MEI1: variants seen among roughly 807,000 people sequenced by gnomAD.
MEI1 encodes the protein meiotic double-stranded break formation protein 1.
In MEI1, 103 loss-of-function variants were observed where a neutral mutation model predicts 146.2. The observed-to-expected ratio is 0.70, with a 90% CI of 0.60 to 0.83. MEI1 has a LOEUF of 0.83. Ranked by LOEUF, MEI1 falls within the 40% of genes least tolerant of loss-of-function variation. The probability of loss-of-function intolerance (pLI) is 0.00; values close to 1 mark genes in which losing one functional copy is unlikely to be tolerated. For missense variants in MEI1, 1,529 were observed against 1,533.0 expected, an observed-to-expected ratio of 1.00 and a Z score of 0.04; for synonymous variants, 652 against 628.2, an observed-to-expected ratio of 1.04 and a Z score of -0.57.
At chr22:41,768,390 CAAAAA>C (rs11323279) in intron 19 of MEI1, among the ~76,000 whole-genome samples, 1 of 125,678 alleles carries the variant, frequency 8.0e-6, no homozygotes, top group Admixed American at 8.2e-5. Context: ...CCCTGTCTCC[CAAAAA>C]AAAAAAAAAA....
At position 41,770,900 on chromosome 22, in the gene MEI1, C is replaced by T. The variant is rs2075140172; in HGVS notation, c.2483C>T (p.Ala828Val). 6.2e-7 allele frequency: 1 copy of T among 1,614,040 alleles called. No individual in the cohort carries two copies. The highest frequency in any genetic ancestry group is 1.1e-5 in the South Asian group (1 of 91,082). ...VTSAGQPALP[A>V]SLVVLFQLLR... ...TCTGCTGGGCAGCCCGCCCTTCCTG[C>T]CAGCTTAGTAGTCCTGTTCCAGTTG... The change falls in exon 20 of 31, where the codon GCC becomes GTC. Residue 828 changes from alanine (A) to valine (V), a missense_variant. Around this residue, in one of 3 missense-constraint regions of MEI1, gnomAD observed 1,212 missense variants for 1,178.9 expected, o/e 1.03. Coordinates refer to ENST00000401548, the MANE Select transcript of MEI1 (RefSeq NM_152513.4).
intron 17 of MEI1, 139 bp from the exon 18 acceptor site, chr22:41,758,226 C>T (rs1035470984): frequency 2.2e-5 from 15 of 689,788 alleles, no homozygotes; most frequent in Admixed American, 3.4e-5. Flanking sequence ...AGAGGAGCCT[C>T]TGATTTCCTT....
At chr22:41,767,432 T>C (rs1391150619) in intron 19 of MEI1, 1 of 336,068 alleles carries the variant, frequency 3.0e-6, no homozygotes, top group Non-Finnish European at 6.4e-6. Context: ...TGAGCCTTTG[T>C]GGAAGCAGTG....
intron 2 of MEI1, 84 bp from the exon 3 acceptor site, chr22:41,705,420 C>A: frequency 1.7e-6 from 2 of 1,161,658 alleles, no homozygotes; most frequent in Admixed American, 3.4e-5. Flanking sequence ...AATCTGCCAC[C>A]TCGGCCTCCC....
intron 7 of MEI1, among the ~76,000 whole-genome samples, chr22:41,728,133 T>C (rs565780233): frequency 6.6e-6 from 1 of 152,286 alleles, no homozygotes; most frequent in East Asian, 1.9e-4. Context: ...AATACTGCAT[T>C]TTCCATCAGC....
intron 30 of MEI1, among the ~76,000 whole-genome samples, chr22:41,797,418 C>T (rs1363736738): frequency 6.6e-6 from 1 of 152,102 alleles, no homozygotes; most frequent in African/African-American, 2.4e-5. Context: ...TCAAGACCAG[C>T]CTGGCCAACA....
intron 11 of MEI1, 72 bp downstream of exon 11, chr22:41,732,675 G>T (rs2071966869): frequency 1.3e-6 from 2 of 1,491,632 alleles, no homozygotes; most frequent in Admixed American, 2.1e-5. Flanking sequence ...CAGGGTAGCG[G>T]ATATTTAAGT....
intron 3 of MEI1, among the ~76,000 whole-genome samples, chr22:41,710,725 A>G (rs2069476512): frequency 6.6e-6 from 1 of 152,220 alleles, no homozygotes; most frequent in African/African-American, 2.4e-5. Context: ...ATGATATTGA[A>G]TAAGCCATTC....
At chr22:41,719,641 G>A (rs185911185) in intron 6 of MEI1, among the ~76,000 whole-genome samples, 233 of 152,270 alleles carry the variant, frequency 1.5e-3, no homozygotes, top group Non-Finnish European at 3.1e-3. Context: ...GCTGCATTGG[G>A]GATTCAGTTT....
chr22:41,775,594 C>CTT (rs532068296), intron 20 of MEI1, among the ~76,000 whole-genome samples: 12 of 134,682 alleles, frequency 8.9e-5, no homozygotes, highest in South Asian at 2.4e-4. Flanking sequence ...TGGACCTATT[C>CTT]TTTTTTTTTT....
chr22:41,724,322 A>G (rs2071123044), intron 7 of MEI1, among the ~76,000 whole-genome samples: 1 of 152,156 alleles, frequency 6.6e-6, no homozygotes, highest in Non-Finnish European at 1.5e-5. Context: ...CCCTGTCTCT[A>G]TAAAAAATAC....
intron 15 of MEI1, among the ~76,000 whole-genome samples, chr22:41,748,512 C>T (rs1259460552): frequency 1.3e-5 from 2 of 151,210 alleles, no homozygotes; most frequent in African/African-American, 4.9e-5. Flanking sequence ...AGTGAGACCC[C>T]ATCTCTAAAA....
Position 41,699,720 on chromosome 22 carries a change from C to T in MEI1, c.174+8C>T, listed in dbSNP as rs1341113643. On this transcript the variant is annotated splice_region_variant and intron_variant, in intron 1 of 30. Coordinates refer to ENST00000401548, the MANE Select transcript of MEI1 (RefSeq NM_152513.4). ...CCGGACCCCGGCGTGTCGGTGCGGG[C>T]GGAACCTTTTCTTCAGAAGACCTGG... 1.9e-6 allele frequency: 3 copies of T among 1,552,278 alleles called. No individual in the cohort carries two copies. The highest frequency in any genetic ancestry group is 2.6e-6 in the Non-Finnish European group (3 of 1,150,414).
chr22:41,727,740 G>A (rs146917475), intron 7 of MEI1, among the ~76,000 whole-genome samples: 183 of 152,256 alleles, frequency 1.2e-3, no homozygotes, highest in South Asian at 2.3e-3. Context: ...TGCATGGGGC[G>A]AAGTCTGGTG....
chr22:41,777,272 C>T (rs1167078697), intron 21 of MEI1, among the ~76,000 whole-genome samples: 2 of 151,702 alleles, frequency 1.3e-5, no homozygotes, highest in Non-Finnish European at 2.9e-5. Flanking sequence ...TCTTCTGCCT[C>T]AGCCTCCATA....
At chr22:41,750,965 A>G (rs2073706343) in intron 15 of MEI1, among the ~76,000 whole-genome samples, 1 of 151,920 alleles carries the variant, frequency 6.6e-6, no homozygotes, top group Admixed American at 6.6e-5. Context: ...GCAAGTGTAG[A>G]TCTCTTGGGG....
intron 19 of MEI1, among the ~76,000 whole-genome samples, chr22:41,770,058 CG>C: frequency 6.6e-6 from 1 of 151,664 alleles, no homozygotes; most frequent in Non-Finnish European, 1.5e-5. Context: ...CACTTGAACC[CG>C]GGAGGCAGAG....
At chr22:41,793,721 G>C (rs2076272065) in intron 26 of MEI1, 108 bp from the exon 27 acceptor site, 1 of 968,102 alleles carries the variant, frequency 1.0e-6, no homozygotes. Context: ...TCCCAAATCT[G>C]AAATTCTGAA....
chr22:41,715,638 G>A (rs911129241), intron 4 of MEI1, among the ~76,000 whole-genome samples: 14 of 151,876 alleles, frequency 9.2e-5, no homozygotes, highest in African/African-American at 3.1e-4. Flanking sequence ...CTCGTGATCC[G>A]CCCGCCTCGG....
Sources: gnomAD v4.1 joint callset for allele counts (sites outside exome capture counted in the v4.1 genomes callset) on GRCh38, gnomAD v4.1.1 for gene constraint, gnomAD v4.1.1 regional missense constraint, MANE v1.5 for transcripts, NCBI Gene and HGNC (gene_info 2026-07-23, HGNC 2026-07-21) for gene names.